NRG3: variants seen among roughly 807,000 people sequenced by gnomAD.
The protein encoded by NRG3 is pro-neuregulin-3, membrane-bound isoform.
A neutral mutation model predicts 66.9 loss-of-function variants in NRG3; 31 were observed. The ratio of observed to expected loss-of-function variants is 0.46; its 90% confidence interval spans 0.35 to 0.63. The LOEUF (loss-of-function observed/expected upper bound fraction) is 0.63. Ranked by LOEUF, NRG3 falls within the 20% of genes least tolerant of loss-of-function variation. NRG3 has a pLI of 0.00. For synonymous variants in NRG3, 393 were observed against 359.4 expected (o/e 1.09, Z -1.06); for missense variants, 910 against 878.9 (o/e 1.04, Z -0.45).
At chr10:82,702,248 C>T (rs1359086179) in intron 2 of NRG3, among the ~76,000 whole-genome samples, 1 of 152,128 alleles carries the variant, frequency 6.6e-6, no homozygotes, top group Non-Finnish European at 1.5e-5. Context: ...GCATTCGCTT[C>T]ATGAAAATGG....
At chr10:82,371,057 G>C (rs1007845269) in intron 2 of NRG3, among the ~76,000 whole-genome samples, 1 of 151,960 alleles carries the variant, frequency 6.6e-6, no homozygotes, top group African/African-American at 2.4e-5. Context: ...TGGCAAATGA[G>C]ACCAAAAGTT....
At position 82,507,654 on chromosome 10, in the gene NRG3, T is replaced by C. The variant is rs551071583; in HGVS notation, c.953+148786T>C. On this transcript the variant is annotated intron_variant, in intron 2 of 8. Transcript: ENST00000372141. Reference sequence around the variant, plus strand: ...GTCTGACCTGGCAGTTTTGAGCCTCTGGGTGGCTACTGGGACAGGCTGGAG... The same window carrying C: ...GTCTGACCTGGCAGTTTTGAGCCTCCGGGTGGCTACTGGGACAGGCTGGAG... 5.3e-5 allele frequency among the ~76,000 whole-genome samples: 8 copies of C among 152,256 alleles called. No individual in the cohort carries two copies. In the East Asian group the frequency reaches 1.2e-3, roughly 22 times the overall value.
intron 3 of NRG3, among the ~76,000 whole-genome samples, chr10:82,744,447 G>A (rs2058560285): frequency 6.6e-6 from 1 of 152,138 alleles, no homozygotes; most frequent in South Asian, 2.1e-4. Context: ...ACAACTCTCT[G>A]CGCCTCTTTT....
intron 2 of NRG3, among the ~76,000 whole-genome samples, chr10:82,493,963 A>G (rs1046104594): frequency 2.0e-5 from 3 of 152,230 alleles, no homozygotes; most frequent in African/African-American, 7.2e-5. Flanking sequence ...GAAGACACTC[A>G]TGAAGCCAAT....
chr10:82,741,099 A>G (rs2058403602), intron 3 of NRG3, among the ~76,000 whole-genome samples: 1 of 152,186 alleles, frequency 6.6e-6, no homozygotes, highest in South Asian at 2.1e-4. Context: ...TGGAGAGCCC[A>G]TGGATGAGTC....
intron 2 of NRG3, among the ~76,000 whole-genome samples, chr10:82,664,407 G>A (rs1321374066): frequency 1.3e-5 from 2 of 152,092 alleles, no homozygotes; most frequent in Non-Finnish European, 2.9e-5. Context: ...TTCATCAGTG[G>A]TAGATTAGTA....
At chr10:82,319,408 C>T (rs531132674) in intron 1 of NRG3, among the ~76,000 whole-genome samples, 5 of 152,324 alleles carry the variant, frequency 3.3e-5, no homozygotes, top group South Asian at 2.1e-4. Context: ...ATTTAACTTT[C>T]GGAAGCCTAA....
chr10:82,480,205 G>A (rs1047285234), intron 2 of NRG3, among the ~76,000 whole-genome samples: 3 of 152,168 alleles, frequency 2.0e-5, no homozygotes, highest in Admixed American at 6.5e-5. Flanking sequence ...GGGTAGTGGG[G>A]TTGATAATGG....
chr10:82,408,064 A>AGC (rs2087685591), intron 2 of NRG3, among the ~76,000 whole-genome samples: 1 of 132,066 alleles, frequency 7.6e-6, no homozygotes. Flanking sequence ...AGAGAGAGAG[A>AGC]GAGAGAGAGA....
intron 2 of NRG3, among the ~76,000 whole-genome samples, chr10:82,552,424 A>C (rs1019344572): frequency 5.3e-5 from 8 of 152,148 alleles, no homozygotes; most frequent in African/African-American, 1.9e-4. Flanking sequence ...GTGGAAGCTA[A>C]AATTGTCTCT....
chr10:81,887,863 G>A (rs1842736228), intron 1 of NRG3, among the ~76,000 whole-genome samples: 1 of 152,184 alleles, frequency 6.6e-6, no homozygotes, highest in African/African-American at 2.4e-5. Context: ...CCAGGTGTAG[G>A]TTTTCCTGTA....
intron 3 of NRG3, among the ~76,000 whole-genome samples, chr10:82,750,702 T>C (rs1230224079): frequency 6.6e-6 from 1 of 152,178 alleles, no homozygotes; most frequent in Non-Finnish European, 1.5e-5. Flanking sequence ...ACAAAAATAA[T>C]CAATTTGTAA....
intron 2 of NRG3, among the ~76,000 whole-genome samples, chr10:82,619,351 T>A (rs1262242399): frequency 6.6e-6 from 1 of 152,188 alleles, no homozygotes; most frequent in African/African-American, 2.4e-5. Flanking sequence ...GATAAAGAAC[T>A]AAGACTCTAA....
chr10:82,856,337 A>G lies in NRG3; in HGVS notation c.1028-9074A>G, dbSNP rs2063800579. Among the ~76,000 whole-genome samples the G allele has an allele frequency of 2.0e-5, 3 of 152,292 alleles. No individual in the cohort carries two copies. The South Asian group carries it at 6.2e-4, about 32-fold the overall frequency. On this transcript the variant is annotated intron_variant, in intron 3 of 8. Coordinates refer to ENST00000372141, the MANE Select transcript of NRG3 (RefSeq NM_001010848.4). ...GGGATTTGAGATTTTTTCCCATCCT[A>G]GGAATCTAGGAATCTACAAATATGA...
intron 2 of NRG3, among the ~76,000 whole-genome samples, chr10:82,424,028 A>G (rs1476238074): frequency 6.6e-6 from 1 of 152,026 alleles, no homozygotes; most frequent in African/African-American, 2.4e-5. Context: ...GATTTTCTTT[A>G]TTCATTCATC....
chr10:82,760,731 T>C (rs1022632615), intron 3 of NRG3, among the ~76,000 whole-genome samples: 1 of 151,894 alleles, frequency 6.6e-6, no homozygotes, highest in African/African-American at 2.4e-5. Context: ...ACTAATAAAA[T>C]CAGCATACAG....
At chr10:82,449,885 G>A (rs2136557858) in intron 2 of NRG3, among the ~76,000 whole-genome samples, 1 of 152,284 alleles carries the variant, frequency 6.6e-6, no homozygotes, top group African/African-American at 2.4e-5. Context: ...ACAGTCTGAT[G>A]GGAGAGAGAT....
At chr10:82,236,595 CACTT>C (rs2076763094) in intron 1 of NRG3, among the ~76,000 whole-genome samples, 1 of 152,030 alleles carries the variant, frequency 6.6e-6, no homozygotes, top group Non-Finnish European at 1.5e-5. Flanking sequence ...GTCCACTTCT[CACTT>C]AGTTTCTCAG....
At chr10:82,624,896 A>C (rs915577773) in intron 2 of NRG3, among the ~76,000 whole-genome samples, 16 of 145,414 alleles carry the variant, frequency 1.1e-4, no homozygotes, top group Non-Finnish European at 3.0e-5. Flanking sequence ...AAGGATGATA[A>C]ATATAAATAT....
Sources: gnomAD v4.1 joint callset for allele counts (sites outside exome capture counted in the v4.1 genomes callset) on GRCh38, gnomAD v4.1.1 for gene constraint, MANE v1.5 for transcripts, NCBI Gene and HGNC (gene_info 2026-07-23, HGNC 2026-07-21) for gene names.